LHFPL6: variants seen among roughly 807,000 people sequenced by gnomAD.
LHFPL6 encodes the protein LHFPL tetraspan subfamily member 6, also known as LHFPL tetraspan subfamily member 6 protein.
Under a neutral mutation model 20.6 loss-of-function variants are expected in LHFPL6, and 9 were observed. The observed-to-expected ratio is 0.44, with a 90% CI of 0.26 to 0.76. The LOEUF is 0.76. Among genes scored for constraint, LHFPL6 ranks in the 30% least tolerant of loss-of-function variants. The pLI is 0.20. For missense variants in LHFPL6, 218 were observed against 253.5 expected (o/e 0.86, Z 0.95); for synonymous variants, 105 against 98.7 (o/e 1.06, Z -0.38).
intron 2 of LHFPL6, among the ~76,000 whole-genome samples, chr13:39,494,103 G>A (rs752177954): frequency 1.3e-5 from 2 of 152,166 alleles, no homozygotes; most frequent in Non-Finnish European, 2.9e-5. Flanking sequence ...TCTGCCAAGG[G>A]TACCCCATAA....
chr13:39,517,331 A>C (rs1213312713), intron 2 of LHFPL6, among the ~76,000 whole-genome samples: 2 of 152,194 alleles, frequency 1.3e-5, no homozygotes, highest in Non-Finnish European at 2.9e-5. Flanking sequence ...AAAGAAGGAC[A>C]AACCCTGTCT....
chr13:39,489,288 A>C (rs774005427), intron 2 of LHFPL6, among the ~76,000 whole-genome samples: 7 of 152,074 alleles, frequency 4.6e-5, no homozygotes, highest in Non-Finnish European at 7.4e-5. Context: ...CTTTTTCTAG[A>C]GTGAAAGAAT....
chr13:39,468,854 C>T (rs1872869195), intron 2 of LHFPL6, among the ~76,000 whole-genome samples: 1 of 146,360 alleles, frequency 6.8e-6, no homozygotes, highest in Non-Finnish European at 1.5e-5. Context: ...CATTTCACCA[C>T]TTATACAGCT....
At position 39,559,515 on chromosome 13, in the gene LHFPL6, AC is replaced by A. The variant is rs377194353; in HGVS notation, c.385+41316del. 7.7e-4 allele frequency among the ~76,000 whole-genome samples: 117 copies of A among 152,326 alleles called. 1 individual carries two copies. The highest frequency in any genetic ancestry group is 1.5e-3 in the Non-Finnish European group (101 of 68,024). ...GATGACGCGGAGCTCCGTAAGCCCC[AC>A]TTCCTCCAGTGCCATTCCTTTCTAC... On this transcript the variant is annotated intron_variant, in intron 2 of 3. Transcript: ENST00000379589.
intron 2 of LHFPL6, among the ~76,000 whole-genome samples, chr13:39,407,932 G>A (rs1871153962): frequency 6.6e-6 from 1 of 152,200 alleles, no homozygotes. Flanking sequence ...TTCTGAGAAT[G>A]AATGGAAGGT....
chr13:39,403,897 T>C (rs1379394511), intron 2 of LHFPL6, among the ~76,000 whole-genome samples: 1 of 152,200 alleles, frequency 6.6e-6, no homozygotes, highest in East Asian at 1.9e-4. Flanking sequence ...TGTGGCTTGA[T>C]ACCTAGTTGG....
At chr13:39,595,878 G>A (rs1330512439) in intron 2 of LHFPL6, among the ~76,000 whole-genome samples, 1 of 152,082 alleles carries the variant, frequency 6.6e-6, no homozygotes, top group Non-Finnish European at 1.5e-5. Flanking sequence ...TGCCCTTCTG[G>A]CCTAATCATT....
intron 3 of LHFPL6, among the ~76,000 whole-genome samples, chr13:39,368,574 C>A (rs1280250586): frequency 6.6e-6 from 1 of 151,536 alleles, no homozygotes; most frequent in East Asian, 2.0e-4. Context: ...GAGTGAGACT[C>A]CGTCTCAACA....
rs370625991 is a variant in LHFPL6 at position 39,537,852 on chromosome 13, G to A, written c.385+62980C>T. Among the ~76,000 whole-genome samples, 55 of 152,198 alleles carry A rather than the reference G, an allele frequency of 3.6e-4. 1 individual carries two copies. In the South Asian group the frequency reaches 0.011, roughly 31 times the overall value. ...AGAACCACTAAGAAAGCAATGGAGAGTCAAGATCAGGTTACCACACAGTCT... is the reference window on the plus strand; with the variant it reads ...AGAACCACTAAGAAAGCAATGGAGAATCAAGATCAGGTTACCACACAGTCT... On this transcript the variant is annotated intron_variant, in intron 2 of 3. Transcript: ENST00000379589.
chr13:39,529,276 G>A (rs749227328), intron 2 of LHFPL6, among the ~76,000 whole-genome samples: 1 of 152,084 alleles, frequency 6.6e-6, no homozygotes, highest in Non-Finnish European at 1.5e-5. Context: ...ATTTTTAATA[G>A]AGACAGGGTT....
At chr13:39,390,595 G>A (rs1269669709) in intron 2 of LHFPL6, among the ~76,000 whole-genome samples, 1 of 152,140 alleles carries the variant, frequency 6.6e-6, no homozygotes, top group Non-Finnish European at 1.5e-5. Flanking sequence ...CAGGTACAAT[G>A]TGCACTATTT....
Position 39,534,864 on chromosome 13 carries a change from A to G in LHFPL6, c.385+65968T>C, listed in dbSNP as rs1593352913. ...TGCAACCATCACCCTCTCACTACCC[A>G]TTTTATTTTCCTAGGGCTTCTATAA... is the stretch of plus-strand genomic sequence containing the variant. On this transcript the variant is annotated intron_variant, in intron 2 of 3. Coordinates refer to ENST00000379589, the MANE Select transcript of LHFPL6 (RefSeq NM_005780.3). Among the ~76,000 whole-genome samples, 4 of 152,116 alleles carry G rather than the reference A, an allele frequency of 2.6e-5. No homozygotes were observed. The East Asian group carries it at 7.7e-4, about 29-fold the overall frequency.
intron 2 of LHFPL6, among the ~76,000 whole-genome samples, chr13:39,440,619 G>GAGACAGCA (rs2138413266): frequency 6.6e-6 from 1 of 152,110 alleles, no homozygotes; most frequent in Admixed American, 6.5e-5. Flanking sequence ...TGTCATTTTT[G>GAGACAGCA]AGACAGGGTC....
chr13:39,533,371 T>A (rs370276886), intron 2 of LHFPL6, among the ~76,000 whole-genome samples: 118 of 152,292 alleles, frequency 7.7e-4, no homozygotes, highest in African/African-American at 2.5e-3. Context: ...CCCTCTTGAA[T>A]CCAAGATGGC....
chr13:39,472,389 G>A lies in LHFPL6; in HGVS notation c.386-93863C>T, dbSNP rs571110878. ...TGTTTTCAAGGAAGACAACTATAAT[G>A]AGTCCACCAAGTGAGGTCCACAGAA... is the stretch of plus-strand genomic sequence containing the variant. On this transcript the variant is annotated intron_variant, in intron 2 of 3. Coordinates refer to ENST00000379589, the MANE Select transcript of LHFPL6 (RefSeq NM_005780.3). 5.3e-5 allele frequency among the ~76,000 whole-genome samples: 8 copies of A among 152,084 alleles called. No individual in the cohort carries two copies. In the South Asian group the frequency reaches 1.2e-3, roughly 24 times the overall value.
At chr13:39,511,945 T>C (rs917698975) in intron 2 of LHFPL6, among the ~76,000 whole-genome samples, 1 of 152,196 alleles carries the variant, frequency 6.6e-6, no homozygotes, top group South Asian at 2.1e-4. Context: ...GAAAGTTATA[T>C]TTCTTACCCA....
chr13:39,371,501 A>G (rs1299082565), intron 3 of LHFPL6, among the ~76,000 whole-genome samples: 1 of 152,326 alleles, frequency 6.6e-6, no homozygotes, highest in East Asian at 1.9e-4. Context: ...CTGGGCTTTT[A>G]TTATGTGCCA....
At chr13:39,581,755 A>T (rs1029506115) in intron 2 of LHFPL6, among the ~76,000 whole-genome samples, 2 of 152,190 alleles carry the variant, frequency 1.3e-5, no homozygotes, top group Non-Finnish European at 2.9e-5. Context: ...CCTATAAAGT[A>T]CAAACTTCTC....
At chr13:39,594,927 C>G (rs544516775) in intron 2 of LHFPL6, among the ~76,000 whole-genome samples, 81 of 152,000 alleles carry the variant, frequency 5.3e-4, no homozygotes, top group African/African-American at 1.9e-3. Flanking sequence ...TGAGAACACA[C>G]GGACACAGGA....
Sources: gnomAD v4.1 joint callset for allele counts (sites outside exome capture counted in the v4.1 genomes callset) on GRCh38, gnomAD v4.1.1 for gene constraint, MANE v1.5 for transcripts, NCBI Gene and HGNC (gene_info 2026-07-23, HGNC 2026-07-21) for gene names.